EVL: variants seen among roughly 807,000 people sequenced by gnomAD.
The protein encoded by EVL is ena/VASP-like protein.
In EVL, 21 loss-of-function variants were observed where a neutral mutation model predicts 59.6. The observed-to-expected ratio is 0.35, with a 90% CI of 0.25 to 0.51. EVL has a LOEUF of 0.51. EVL is among the 20% of genes least tolerant of loss of function. The probability of loss-of-function intolerance (pLI) is 0.97; values close to 1 mark genes in which losing one functional copy is unlikely to be tolerated. For missense variants in EVL, 462 were observed against 546.6 expected (o/e 0.85, Z 1.54); for synonymous variants, 198 against 203.5 (o/e 0.97, Z 0.23).
intron 1 of EVL, among the ~76,000 whole-genome samples, chr14:100,067,320 T>C (rs1006065301): frequency 6.6e-6 from 1 of 152,214 alleles, no homozygotes; most frequent in African/African-American, 2.4e-5. Context: ...TGTGAAAATA[T>C]ATCTTACCAG....
chr14:100,030,710 A>G (rs565413311), intron 1 of EVL, among the ~76,000 whole-genome samples: 1 of 152,296 alleles, frequency 6.6e-6, no homozygotes, highest in Admixed American at 6.5e-5. Flanking sequence ...TTGCATGCAA[A>G]TTCCCTGGTC....
intron 3 of EVL, among the ~76,000 whole-genome samples, chr14:100,099,067 G>T (rs187280179): frequency 6.6e-6 from 1 of 151,828 alleles, no homozygotes; most frequent in East Asian, 1.9e-4. Flanking sequence ...CTGGCGCCAG[G>T]CGTGGTGGCT....
At chr14:100,137,550 G>C (rs757546456) in intron 9 of EVL, 28 bp from the exon 10 acceptor site, 88 of 1,612,568 alleles carry the variant, frequency 5.5e-5, no homozygotes, top group Non-Finnish European at 2.1e-5. Context: ...CACCTGTGAG[G>C]TTCTTCATCC....
At chr14:100,089,147 G>A (rs550724423) in intron 2 of EVL, among the ~76,000 whole-genome samples, 10 of 152,152 alleles carry the variant, frequency 6.6e-5, no homozygotes, top group South Asian at 4.1e-4. Context: ...AACACATAAC[G>A]CAAAAATCTA....
chr14:100,017,491 T>G (rs1002391959), intron 1 of EVL, among the ~76,000 whole-genome samples: 21 of 152,174 alleles, frequency 1.4e-4, no homozygotes, highest in African/African-American at 5.1e-4. Flanking sequence ...CTTAATATAT[T>G]TGATAAAGAA....
chr14:100,135,102 A>C (rs1888689436), intron 8 of EVL: 1 of 152,088 alleles, frequency 6.6e-6, no homozygotes, highest in Non-Finnish European at 1.5e-5. Context: ...TAAAATGAGG[A>C]GGCCTGAGAA....
intron 1 of EVL, among the ~76,000 whole-genome samples, chr14:100,051,072 G>A (rs73347828): frequency 0.083 from 12,581 of 152,170 alleles, 857 homozygotes; most frequent in East Asian, 0.18. Flanking sequence ...GCATACAGTA[G>A]TTCCCCCTGC....
chr14:100,129,716 G>A lies in EVL; in HGVS notation c.839+32G>A, dbSNP rs1167444775. On this transcript the variant is annotated intron_variant, in intron 7 of 13. Transcript: ENST00000392920. ...CTCTACACCTCCCGAGACTTGGTGT[G>A]CCTAGCAGGAAGCTCCTGCCCCCGC... 7 of 1,516,298 alleles carry A rather than the reference G, an allele frequency of 4.6e-6. No individual in the cohort carries two copies. In the African/African-American group the frequency reaches 9.7e-5, roughly 21 times the overall value. The allele number at this position is 1,516,298 out of a possible 1,614,324, so 93.9% of individuals were successfully genotyped here.
At chr14:100,074,633 C>T (rs2062122124) in intron 1 of EVL, 1 of 152,906 alleles carries the variant, frequency 6.5e-6, no homozygotes, top group Admixed American at 6.5e-5. Context: ...CTGGCCTTAA[C>T]TCTCTGTACC....
At chr14:100,095,391 C>A (rs1469333744) in intron 2 of EVL, among the ~76,000 whole-genome samples, 1 of 152,222 alleles carries the variant, frequency 6.6e-6, no homozygotes, top group African/African-American at 2.4e-5. Flanking sequence ...CTTCTCTTCC[C>A]TCATGCTGGT....
chr14:100,129,790 C>T, intron 7 of EVL, 106 bp downstream of exon 7: 1 of 1,408,532 alleles, frequency 7.1e-7, no homozygotes, highest in Middle Eastern at 2.6e-4. Flanking sequence ...ATCTTTGTTC[C>T]CTGGGTTTAG....
intron 1 of EVL, among the ~76,000 whole-genome samples, chr14:99,979,773 G>A (rs1373352779): frequency 2.6e-5 from 4 of 152,210 alleles, no homozygotes; most frequent in Non-Finnish European, 4.4e-5. Context: ...GGAGGCTGAG[G>A]CAGGAGAATG....
chr14:100,081,059 C>G (rs1237899437), intron 1 of EVL, among the ~76,000 whole-genome samples: 1 of 152,142 alleles, frequency 6.6e-6, no homozygotes, highest in Non-Finnish European at 1.5e-5. Flanking sequence ...ATGGGAGGAT[C>G]ACTTGAGCCC....
chr14:100,044,034 C>T (rs1008459072), intron 1 of EVL, among the ~76,000 whole-genome samples: 1 of 152,136 alleles, frequency 6.6e-6, no homozygotes, highest in Non-Finnish European at 1.5e-5. Context: ...CTCAGTCCAC[C>T]AACTCTTAAT....
chr14:100,120,853 CAA>C (rs1244462163), intron 3 of EVL, among the ~76,000 whole-genome samples: 3 of 152,078 alleles, frequency 2.0e-5, no homozygotes, highest in Non-Finnish European at 4.4e-5. Flanking sequence ...GGTGAGGGTC[CAA>C]GAGAGAGACG....
At chr14:100,009,196 G>A (rs2061001322) in intron 1 of EVL, among the ~76,000 whole-genome samples, 1 of 152,216 alleles carries the variant, frequency 6.6e-6, no homozygotes, top group Admixed American at 6.5e-5. Flanking sequence ...GGGGTTGCAT[G>A]GTCAAGCATT....
chr14:100,072,425 G>A (rs935703617), intron 1 of EVL, among the ~76,000 whole-genome samples: 1 of 152,158 alleles, frequency 6.6e-6, no homozygotes, highest in Non-Finnish European at 1.5e-5. Flanking sequence ...AGTAGAGATG[G>A]GGTTTCACTA....
At position 100,102,027 on chromosome 14, in the gene EVL, G is replaced by A. The variant is rs528893847; in HGVS notation, c.358+4369G>A. ...TAATTTTTGTATTTTTAGTAGAGAC[G>A]AGGTTTCACCATGTTGGCCAGGCCA... On this transcript the variant is annotated intron_variant, in intron 3 of 13. Transcript: ENST00000392920. Among the ~76,000 whole-genome samples the A allele has an allele frequency of 7.2e-5, 11 of 152,118 alleles. No homozygotes were observed. The South Asian group carries it at 1.0e-3, about 14-fold the overall frequency.
chr14:100,136,113 TC>T (rs1888769185), intron 9 of EVL, 145 bp downstream of exon 9: 3 of 844,008 alleles, frequency 3.6e-6, no homozygotes, highest in Non-Finnish European at 5.6e-6. Context: ...TTCTTATGGG[TC>T]CCCCAGAGCC....
Sources: gnomAD v4.1 joint callset for allele counts (sites outside exome capture counted in the v4.1 genomes callset) on GRCh38, gnomAD v4.1.1 for gene constraint, MANE v1.5 for transcripts, NCBI Gene and HGNC (gene_info 2026-07-23, HGNC 2026-07-21) for gene names.